DCTD: variants seen among roughly 807,000 people sequenced by gnomAD.
The protein encoded by DCTD is deoxycytidylate deaminase.
DCTD carries 23 observed loss-of-function variants against 21.0 expected under a neutral mutation model. That is an observed-to-expected ratio of 1.09 (90% CI 0.79 to 1.55). The LOEUF is 1.55. DCTD is among the 40% of genes most tolerant of loss of function. The pLI is 0.00. For synonymous variants in DCTD, 71 were observed against 81.1 expected (o/e 0.88, Z 0.67); for missense variants, 224 against 230.0 (o/e 0.97, Z 0.17).
intron 3 of DCTD, among the ~76,000 whole-genome samples, chr4:182,899,714 A>G (rs994571305): frequency 1.3e-5 from 2 of 152,114 alleles, no homozygotes; most frequent in Admixed American, 6.6e-5. Context: ...CACTGACCTT[A>G]AGAATCCATC....
intron 3 of DCTD, among the ~76,000 whole-genome samples, chr4:182,898,338 G>T (rs146525706): frequency 2.9e-4 from 44 of 152,346 alleles, no homozygotes; most frequent in African/African-American, 9.6e-4. Context: ...AGGGCTCAAG[G>T]TCCAATTTGC....
intron 3 of DCTD, among the ~76,000 whole-genome samples, chr4:182,897,194 C>T (rs1250930396): frequency 6.6e-6 from 1 of 152,104 alleles, no homozygotes; most frequent in Non-Finnish European, 1.5e-5. Flanking sequence ...TCCCTGTGTA[C>T]AGAGGGCGAT....
chr4:182,912,427 C>T (rs1157855126), intron 3 of DCTD, among the ~76,000 whole-genome samples: 4 of 151,994 alleles, frequency 2.6e-5, no homozygotes, highest in East Asian at 1.9e-4. Context: ...AGAAAACTGT[C>T]GACATTCTAA....
chr4:182,897,581 G>A (rs565210028), intron 3 of DCTD, among the ~76,000 whole-genome samples: 7 of 152,014 alleles, frequency 4.6e-5, no homozygotes, highest in African/African-American at 1.7e-4. Context: ...GGGTACACAT[G>A]AGACTCTAAA....
rs192942322 is a variant in DCTD at position 182,915,445 on chromosome 4, C to T, written c.108+16G>A. On this transcript the variant is annotated intron_variant, in intron 2 of 5. Coordinates refer to ENST00000438320, the MANE Select transcript of DCTD (RefSeq NM_001921.3). ...GCCTGTGAGTATCTAAGCATTCTCCCGTGAAATTCATTTACCTGGGAATTT... is the reference window on the plus strand; with the variant it reads ...GCCTGTGAGTATCTAAGCATTCTCCTGTGAAATTCATTTACCTGGGAATTT... The T allele has an allele frequency of 8.0e-5, 121 of 1,507,620 alleles. No individual in the cohort carries two copies. The Admixed American group carries it at 1.8e-3, about 22-fold the overall frequency. The allele number at this position is 1,507,620 out of a possible 1,614,324, so 93.4% of individuals were successfully genotyped here.
At chr4:182,914,110 C>T (rs1047779075) in intron 3 of DCTD, among the ~76,000 whole-genome samples, 1 of 152,170 alleles carries the variant, frequency 6.6e-6, no homozygotes. Flanking sequence ...TGAGTTCAAG[C>T]GATTCTCCTT....
chr4:182,909,488 T>C (rs1046830586), intron 3 of DCTD, among the ~76,000 whole-genome samples: 1 of 152,212 alleles, frequency 6.6e-6, no homozygotes, highest in Non-Finnish European at 1.5e-5. Context: ...CCACAACTAG[T>C]AGAAGGCCAG....
intron 4 of DCTD, 36 bp from the exon 5 acceptor site, chr4:182,893,163 C>A (rs72553969): frequency 8.0e-7 from 1 of 1,248,270 alleles, no homozygotes; most frequent in African/African-American, 1.5e-5. Flanking sequence ...TTAGTGTACG[C>A]ACCTACAGAT....
chr4:182,905,353 A>G (rs930323356), intron 3 of DCTD, among the ~76,000 whole-genome samples: 1 of 145,294 alleles, frequency 6.9e-6, no homozygotes. Flanking sequence ...TTTTTTAGAC[A>G]AAGTCTCACT....
At position 182,891,205 on chromosome 4, in the gene DCTD, G is replaced by T. The variant is rs2152852997; in HGVS notation, c.*194C>A. The T allele has an allele frequency of 5.5e-6, 3 of 544,202 alleles. No homozygotes were observed. The highest frequency in any genetic ancestry group is 5.5e-5 in the South Asian group (2 of 36,158). The allele number at this position is 544,202 out of a possible 1,614,324, so 33.7% of individuals were successfully genotyped here. On this transcript the variant is annotated 3_prime_UTR_variant, in exon 6 of 6. Coordinates refer to ENST00000438320, the MANE Select transcript of DCTD (RefSeq NM_001921.3). ...AGGCTCCCCTATTTTAAACCCTAAAGCAATAGTTCAAACACATGTAGATTC... is the reference window on the plus strand; with the variant it reads ...AGGCTCCCCTATTTTAAACCCTAAATCAATAGTTCAAACACATGTAGATTC...
At chr4:182,915,387 C>G (rs1738539408) in intron 2 of DCTD, 74 bp downstream of exon 2, 1 of 1,023,928 alleles carries the variant, frequency 9.8e-7, no homozygotes, top group Non-Finnish European at 1.5e-6. Context: ...TCCACTGAGT[C>G]TCCCCTTTCT....
chr4:182,895,997 G>A (rs1041803005), intron 3 of DCTD, among the ~76,000 whole-genome samples: 2 of 152,178 alleles, frequency 1.3e-5, no homozygotes, highest in Non-Finnish European at 2.9e-5. Context: ...GTTAATGAAT[G>A]ACATCCGGCC....
At chr4:182,896,903 G>A (rs939293141) in intron 3 of DCTD, among the ~76,000 whole-genome samples, 2 of 152,184 alleles carry the variant, frequency 1.3e-5, no homozygotes, top group Non-Finnish European at 2.9e-5. Context: ...TGATGGTGAC[G>A]TTCGGAAGTA....
intron 5 of DCTD, among the ~76,000 whole-genome samples, chr4:182,892,454 T>C (rs548206356): frequency 6.6e-5 from 10 of 151,954 alleles, no homozygotes; most frequent in South Asian, 2.1e-4. Context: ...GCTCATGAGG[T>C]CATCCTGGCC....
chr4:182,901,982 ATGGAAACTTCCGC>A (rs1735833951), intron 3 of DCTD, among the ~76,000 whole-genome samples: 1 of 152,120 alleles, frequency 6.6e-6, no homozygotes, highest in Non-Finnish European at 1.5e-5. Context: ...CAGATGCCTG[ATGGAAACTTCCGC>A]TGAGGGATGG....
intron 4 of DCTD, among the ~76,000 whole-genome samples, chr4:182,893,776 G>T (rs561474154): frequency 2.0e-5 from 3 of 152,262 alleles, no homozygotes; most frequent in Non-Finnish European, 4.4e-5. Context: ...CGGTGACGGC[G>T]ACAGCCAGGG....
At chr4:182,916,643 G>A (rs753466910) in intron 1 of DCTD, 34 of 1,004,276 alleles carry the variant, frequency 3.4e-5, no homozygotes, top group Non-Finnish European at 4.1e-5. Flanking sequence ...AACAGGAAAA[G>A]ACAGGTGCTG....
chr4:182,896,211 C>T (rs1348864334), intron 3 of DCTD, among the ~76,000 whole-genome samples: 1 of 152,234 alleles, frequency 6.6e-6, no homozygotes, highest in Non-Finnish European at 1.5e-5. Flanking sequence ...TGAGCACGTA[C>T]TCTGGGTCAG....
upstream of DCTD, chr4:182,917,430 C>T: frequency 5.3e-6 from 5 of 947,880 alleles, no homozygotes; most frequent in African/African-American, 1.8e-5. The surrounding 1 kb of genome is among the most constrained non-coding windows in gnomAD (Gnocchi z 4.9). Context: ...GCGGCCCGGG[C>T]GCCGCGCGTT....
Sources: allele counts gnomAD v4.1 joint callset (sites outside exome capture counted in the v4.1 genomes callset), GRCh38; gene constraint gnomAD v4.1.1; non-coding constraint Gnocchi (gnomAD v3.1); transcripts MANE v1.5; gene names NCBI Gene and HGNC (gene_info 2026-07-23, HGNC 2026-07-21).